ATP5MC2: variants seen among roughly 807,000 people sequenced by gnomAD.
The protein encoded by ATP5MC2 is ATP synthase membrane subunit c locus 2.
A neutral mutation model predicts 13.5 loss-of-function variants in ATP5MC2; 11 were observed. The ratio of observed to expected loss-of-function variants is 0.81; its 90% CI spans 0.51 to 1.35. ATP5MC2 has a LOEUF of 1.35. Ranked by LOEUF, ATP5MC2 falls within the 40% of genes most tolerant of loss-of-function variation. The pLI is 0.00. For synonymous variants in ATP5MC2, 64 were observed against 69.7 expected (o/e 0.92, Z 0.41); for missense variants, 132 against 175.0 (o/e 0.75, Z 1.39).
chr12:53,679,971 A>C (rs920333574), upstream of ATP5MC2, among the ~76,000 whole-genome samples: 1 of 152,040 alleles, frequency 6.6e-6, no homozygotes, highest in Non-Finnish European at 1.5e-5. Context: ...CTTCCTTTGA[A>C]TTTGTTTATT....
chr12:53,675,885 C>T (rs1945248460), intron 1 of ATP5MC2, among the ~76,000 whole-genome samples, 168 bp downstream of exon 1: 1 of 152,200 alleles, frequency 6.6e-6, no homozygotes, highest in African/African-American at 2.4e-5. Context: ...TTGGAGGTCA[C>T]CGGCACGCGG....
intron 4 of ATP5MC2, among the ~76,000 whole-genome samples, chr12:53,665,955 G>A (rs10876478): frequency 6.6e-6 from 1 of 152,090 alleles, no homozygotes; most frequent in African/African-American, 2.4e-5. Context: ...GAAGACAAGA[G>A]TAAGAGGGAC....
chr12:53,676,033 T>G lies in ATP5MC2; in HGVS notation c.-32+20A>C, dbSNP rs139606009. ...CGCGCGTGCGCAGCGCACAGAGGGC[T>G]CTAGGTCCCAAGGCCTTACCTGCTC... On this transcript the variant is annotated intron_variant, in intron 1 of 4. Transcript: ENST00000394349. 8,313 of 1,611,838 alleles carry G rather than the reference T, an allele frequency of 5.2e-3. 28 individuals carry two copies. The highest frequency in any genetic ancestry group is 6.2e-3 in the Non-Finnish European group (7,261 of 1,179,330).
intron 4 of ATP5MC2, among the ~76,000 whole-genome samples, chr12:53,667,011 A>G (rs1944935275): frequency 6.6e-6 from 1 of 151,940 alleles, no homozygotes; most frequent in Admixed American, 6.6e-5. Flanking sequence ...GTATGGATAA[A>G]GGACTCCCAG....
chr12:53,673,566 G>C (rs758685764), intron 1 of ATP5MC2: 2 of 152,872 alleles, frequency 1.3e-5, no homozygotes, highest in Non-Finnish European at 2.9e-5. Context: ...GCTCACGCCT[G>C]TAATCCTAGC....
At chr12:53,676,359 C>T (rs1945278713), upstream of ATP5MC2, 2 of 967,668 alleles carry the variant, frequency 2.1e-6, no homozygotes, top group Non-Finnish European at 3.0e-6. Context: ...TTTGGGATCT[C>T]GGACTTGCGT....
rs1281755104 is a variant in ATP5MC2 at position 53,667,950 on chromosome 12, C to CATATATAT, written c.311+1197_311+1198insATATATAT. 9.9e-4 allele frequency among the ~76,000 whole-genome samples: 37 copies of CATATATAT among 37,252 alleles called. 1 individual carries two copies. Among genetic ancestry groups the CATATATAT allele is most frequent in the African/African-American group, 2.9e-3 (35 of 12,188 alleles). 24.4% of individuals were successfully genotyped at this position (37,252 alleles called of 152,430 possible). A position where few individuals can be genotyped will look rare whatever the true frequency, so the allele number is the denominator to read the frequency against. On this transcript the variant is annotated intron_variant, in intron 4 of 4. Transcript: ENST00000394349. ...AAACATTCTAATACATACATACATA[C>CATATATAT]ACACACATATATATATATATATATA...
At chr12:53,666,814 T>C (rs1367246821) in intron 4 of ATP5MC2, among the ~76,000 whole-genome samples, 2 of 149,790 alleles carry the variant, frequency 1.3e-5, no homozygotes, top group African/African-American at 4.9e-5. Flanking sequence ...GGCGTGGTGG[T>C]GGGCACCTGT....
upstream of ATP5MC2, chr12:53,676,137 A>G (rs1333990949): frequency 6.2e-7 from 1 of 1,614,240 alleles, no homozygotes; most frequent in East Asian, 2.2e-5. Context: ...ACCCGGGCCA[A>G]CGAGTCGCTC....
chr12:53,670,101 C>A, intron 2 of ATP5MC2, 153 bp from the exon 3 acceptor site: 1 of 714,944 alleles, frequency 1.4e-6, no homozygotes, highest in Non-Finnish European at 2.5e-6. Flanking sequence ...GATCATTCTT[C>A]CTTTTAGCAA....
intron 4 of ATP5MC2, among the ~76,000 whole-genome samples, chr12:53,667,883 C>T (rs1313997808): frequency 6.7e-6 from 1 of 149,186 alleles, no homozygotes; most frequent in East Asian, 2.0e-4. Context: ...ATGCTCTAGA[C>T]CAAAGCTGTT....
At chr12:53,675,967 G>A (rs1450682571) in intron 1 of ATP5MC2, 86 bp downstream of exon 1, 6 of 1,548,294 alleles carry the variant, frequency 3.9e-6, no homozygotes, top group South Asian at 2.4e-5. Context: ...GAGCACGCAA[G>A]GTAAGCGCCT....
chr12:53,678,141 C>A (rs896773493), upstream of ATP5MC2, among the ~76,000 whole-genome samples: 1 of 152,182 alleles, frequency 6.6e-6, no homozygotes, highest in Non-Finnish European at 1.5e-5. Flanking sequence ...TGCGTTCAGA[C>A]AAATCTGGGT....
intron 2 of ATP5MC2, among the ~76,000 whole-genome samples, chr12:53,671,148 G>A (rs762586862): frequency 7.9e-5 from 12 of 152,118 alleles, no homozygotes; most frequent in Non-Finnish European, 1.6e-4. Context: ...CCAAGCCAGT[G>A]ACACCAAAAC....
At chr12:53,675,516 T>C (rs1194498360) in intron 1 of ATP5MC2, among the ~76,000 whole-genome samples, 1 of 151,230 alleles carries the variant, frequency 6.6e-6, no homozygotes, top group African/African-American at 2.4e-5. Context: ...ATGTTTTGGC[T>C]TTTTTTCCCA....
chr12:53,668,844 C>A (rs1945009308), intron 4 of ATP5MC2, among the ~76,000 whole-genome samples: 1 of 151,934 alleles, frequency 6.6e-6, no homozygotes, highest in South Asian at 2.1e-4. Context: ...CATGGCGAAA[C>A]CCCATCTCTA....
intron 2 of ATP5MC2, among the ~76,000 whole-genome samples, chr12:53,671,905 C>T (rs1330594128): frequency 6.6e-6 from 1 of 151,776 alleles, no homozygotes; most frequent in Non-Finnish European, 1.5e-5. Flanking sequence ...ACCAGCCCGG[C>T]CAACATGGTG....
chr12:53,669,251 T>C lies in ATP5MC2; in HGVS notation c.208A>G (p.Thr70Ala), dbSNP rs756800143. 50 of 1,614,036 alleles carry C rather than the reference T, an allele frequency of 3.1e-5. No homozygotes were observed. Among genetic ancestry groups the C allele is most frequent in the Non-Finnish European group, 4.2e-5 (49 of 1,179,966 alleles). The change falls in exon 4 of 5, where the codon ACA becomes GCA. Residue 70 changes from threonine (T) to alanine (A), a missense_variant. Thr to Ala is a moderately conservative substitution (Grantham distance 58). Transcript: ENST00000394349. Reference sequence around the variant, plus strand: ...CCAGCTCCAATGAACTTGGCTGCTGTGTCGATGTCCCTTGAAATGGCGCTG... The same window carrying C: ...CCAGCTCCAATGAACTTGGCTGCTGCGTCGATGTCCCTTGAAATGGCGCTG... ...QTSAISRDID[T>A]AAKFIGAGAA... is the part of the protein sequence containing the mutation.
intron 4 of ATP5MC2, among the ~76,000 whole-genome samples, chr12:53,666,782 T>A (rs1159020521): frequency 2.2e-5 from 3 of 138,548 alleles, no homozygotes; most frequent in African/African-American, 5.3e-5. Flanking sequence ...TAAAATAAAA[T>A]AAAAAAATAA....
Sources: allele counts gnomAD v4.1 joint callset (sites outside exome capture counted in the v4.1 genomes callset), GRCh38; gene constraint gnomAD v4.1.1; transcripts MANE v1.5; gene names NCBI Gene and HGNC (gene_info 2026-07-23, HGNC 2026-07-21).